TNKS: variants seen among roughly 807,000 people sequenced by gnomAD.
TNKS encodes the protein poly [ADP-ribose] polymerase tankyrase-1.
In TNKS, 72 loss-of-function variants were observed where a neutral mutation model predicts 135.8. The observed-to-expected ratio is 0.53, with a 90% confidence interval of 0.44 to 0.64. The LOEUF is 0.64. Among genes scored for constraint, TNKS ranks in the 30% least tolerant of loss-of-function variants. TNKS has a pLI of 0.00. For synonymous variants in TNKS, 849 were observed against 649.3 expected (o/e 1.31, Z -4.68); for missense variants, 1,769 against 1,674.0 (o/e 1.06, Z -0.99).
chr8:9,773,775 C>T (rs897487805), intron 26 of TNKS, among the ~76,000 whole-genome samples: 1 of 151,442 alleles, frequency 6.6e-6, no homozygotes, highest in African/African-American at 2.4e-5. Context: ...ATTTTATTTC[C>T]GGGGAGGATA....
In TNKS at chr8:9,714,362, A is replaced by G. The variant is rs575310836; in HGVS notation, c.1749+4142A>G. 3.3e-5 allele frequency among the ~76,000 whole-genome samples: 5 copies of G among 151,796 alleles called. No individual in the cohort carries two copies. The South Asian group carries it at 6.2e-4, about 19-fold the overall frequency. ...TTTTTTTAATCAAATGAGCATATGT[A>G]TATAAATATGTAGTATAGTGCTTAA... On this transcript the variant is annotated intron_variant, in intron 11 of 26. Transcript: ENST00000310430.
At chr8:9,752,946 C>T (rs946985005) in intron 20 of TNKS, among the ~76,000 whole-genome samples, 1 of 125,486 alleles carries the variant, frequency 8.0e-6, no homozygotes, top group African/African-American at 3.0e-5. Context: ...GCTTTGGCGA[C>T]AAAACAAAAC....
chr8:9,712,177 C>A (rs1443721368), intron 11 of TNKS, among the ~76,000 whole-genome samples: 2 of 152,152 alleles, frequency 1.3e-5, no homozygotes, highest in Non-Finnish European at 2.9e-5. Flanking sequence ...AACTAATTAT[C>A]AAAAATGAAC....
intron 20 of TNKS, among the ~76,000 whole-genome samples, chr8:9,757,313 T>A (rs868523426): frequency 6.6e-6 from 1 of 152,212 alleles, no homozygotes; most frequent in African/African-American, 2.4e-5. Context: ...GTTTGATAGA[T>A]AAGGCCCTTT....
Position 9,751,816 on chromosome 8 carries a change from G to A in TNKS, c.3040G>A (p.Ala1014Thr), listed in dbSNP as rs751640676. 68 of 1,614,014 alleles carry A rather than the reference G, an allele frequency of 4.2e-5. No homozygotes were observed. The highest frequency in any genetic ancestry group is 3.3e-4 in the Middle Eastern group (2 of 6,082). The part of the protein sequence containing the change: ...VGGASNAGDG[A>T]AGTERKEGEV... ...AGGAGCCTCCAATGCAGGGGATGGC[G>A]CCGCGGGAACAGAAAGGAAGGAAGG... is the stretch of plus-strand genomic sequence containing the variant. The change falls in exon 19 of 27, where the codon GCC (alanine) becomes ACC (threonine). Residue 1014 changes from alanine to threonine, a missense_variant. Coordinates refer to ENST00000310430, the MANE Select transcript of TNKS (RefSeq NM_003747.3).
At chr8:9,757,099 C>T (rs1563214024) in intron 20 of TNKS, among the ~76,000 whole-genome samples, 1 of 152,292 alleles carries the variant, frequency 6.6e-6, no homozygotes, top group African/African-American at 2.4e-5. Flanking sequence ...GCCTCAGCCT[C>T]CTGAGTAGCT....
chr8:9,764,685 T>G, intron 22 of TNKS, 31 bp from the exon 23 acceptor site: 1 of 1,555,850 alleles, frequency 6.4e-7, no homozygotes, highest in African/African-American at 1.4e-5. Context: ...CACTGGGATG[T>G]TTTTATAAAA....
chr8:9,612,221 A>G (rs548289660), intron 2 of TNKS, among the ~76,000 whole-genome samples: 64 of 152,270 alleles, frequency 4.2e-4, no homozygotes, highest in African/African-American at 1.4e-3. Flanking sequence ...TCCCCAATGC[A>G]TGACAGATCA....
chr8:9,573,720 G>C (rs1326640554), intron 1 of TNKS, among the ~76,000 whole-genome samples: 2 of 152,194 alleles, frequency 1.3e-5, no homozygotes, highest in African/African-American at 4.8e-5. Context: ...GTATATAAGT[G>C]TAGGTTAAAA....
At chr8:9,673,813 GCTT>G (rs1365794902) in intron 3 of TNKS, among the ~76,000 whole-genome samples, 7 of 152,130 alleles carry the variant, frequency 4.6e-5, no homozygotes, top group Non-Finnish European at 1.0e-4. Flanking sequence ...GAATTGGAAA[GCTT>G]CTCAAATAAT....
At chr8:9,562,390 A>G (rs905834155) in intron 1 of TNKS, among the ~76,000 whole-genome samples, 1 of 152,222 alleles carries the variant, frequency 6.6e-6, no homozygotes, top group East Asian at 1.9e-4. Flanking sequence ...CACCTGGATA[A>G]GAACTTTTAT....
chr8:9,565,574 A>G (rs1042244041), intron 1 of TNKS, among the ~76,000 whole-genome samples: 5 of 152,162 alleles, frequency 3.3e-5, no homozygotes, highest in African/African-American at 1.2e-4. Flanking sequence ...AAAATAAACT[A>G]AACCAGCCAG....
chr8:9,735,339 A>T, intron 16 of TNKS, 38 bp from the exon 17 acceptor site: 1 of 1,577,844 alleles, frequency 6.3e-7, no homozygotes. Flanking sequence ...TTTTCCTTTA[A>T]GCTGACACGT....
intron 19 of TNKS, 86 bp downstream of exon 19, chr8:9,751,932 C>A: frequency 8.4e-7 from 1 of 1,195,728 alleles, no homozygotes; most frequent in Non-Finnish European, 1.2e-6. Flanking sequence ...CTATTGAATG[C>A]CTCAATTAGA....
chr8:9,604,079 A>C (rs1298537680), intron 2 of TNKS, among the ~76,000 whole-genome samples: 1 of 152,128 alleles, frequency 6.6e-6, no homozygotes, highest in African/African-American at 2.4e-5. Flanking sequence ...TATATCAAAG[A>C]GTTTTGATTT....
chr8:9,770,030 A>G, intron 25 of TNKS, 76 bp from the exon 26 acceptor site: 2 of 1,351,518 alleles, frequency 1.5e-6, no homozygotes, highest in Non-Finnish European at 2.0e-6. Flanking sequence ...TTTTTAAAAA[A>G]TTAATAGATC....
At chr8:9,669,367 G>C (rs1382542311) in intron 3 of TNKS, among the ~76,000 whole-genome samples, 1 of 148,878 alleles carries the variant, frequency 6.7e-6, no homozygotes, top group African/African-American at 2.5e-5. Flanking sequence ...GCAGTGAGCC[G>C]AGATTGCGCC....
intron 9 of TNKS, 22 bp downstream of exon 9, chr8:9,708,514 A>G (rs368803008): frequency 1.0e-5 from 16 of 1,564,772 alleles, no homozygotes; most frequent in East Asian, 2.3e-5. Context: ...TTGTTAATCT[A>G]TTCCCTGTGT....
chr8:9,598,717 G>A (rs2128757733), intron 2 of TNKS, among the ~76,000 whole-genome samples: 1 of 130,632 alleles, frequency 7.7e-6, no homozygotes, highest in Admixed American at 8.5e-5. Context: ...GTGTGTGTGT[G>A]TGTGTGTGTG....
Sources: allele counts gnomAD v4.1 joint callset (sites outside exome capture counted in the v4.1 genomes callset), GRCh38; gene constraint gnomAD v4.1.1; transcripts MANE v1.5; gene names NCBI Gene and HGNC (gene_info 2026-07-23, HGNC 2026-07-21).